The following GCC2 variants were observed in gnomAD, a reference collection of about 807,000 sequenced individuals.
GCC2 encodes the protein GRIP and coiled-coil domain containing 2, also known as GRIP and coiled-coil domain-containing protein 2.
Under a neutral mutation model 210.6 loss-of-function variants are expected in GCC2, and 120 were observed. The observed-to-expected ratio is 0.57, with a 90% confidence interval of 0.49 to 0.66. GCC2 has a LOEUF of 0.66. Ranked by LOEUF, GCC2 falls within the 30% of genes least tolerant of loss-of-function variation. The pLI, the probability that GCC2 is intolerant of heterozygous loss-of-function variation, is 0.00. For synonymous variants in GCC2, 703 were observed against 652.7 expected (o/e 1.08, Z -1.17); for missense variants, 1,868 against 1,871.9 (o/e 1.00, Z 0.04).
At chr2:108,492,465 A>AT (rs1682450773) in intron 18 of GCC2, 108 bp from the exon 19 acceptor site, 2 of 702,634 alleles carry the variant, frequency 2.8e-6, no homozygotes, top group African/African-American at 3.5e-5. Context: ...TGATTCATAC[A>AT]TTCAGTAGAG....
intron 19 of GCC2, chr2:108,493,568 A>G: frequency 1.0e-6 from 1 of 985,424 alleles, no homozygotes; most frequent in Non-Finnish European, 1.2e-6. Flanking sequence ...TCACATTTAC[A>G]ATTAGTTGGA....
chr2:108,490,062 C>G (rs746620185), intron 18 of GCC2, 48 bp downstream of exon 18: 3 of 1,315,794 alleles, frequency 2.3e-6, no homozygotes, highest in Non-Finnish European at 3.1e-6. Flanking sequence ...CAATGTATTT[C>G]TTTGTTGAAA....
chr2:108,449,918 G>A (rs953279450), intron 2 of GCC2: 9 of 538,508 alleles, frequency 1.7e-5, no homozygotes, highest in Non-Finnish European at 3.0e-5. Context: ...ACTGCTGGGA[G>A]ATCCTGCTAT....
In GCC2 at chr2:108,469,780, A is replaced by C. The variant is rs751556782; in HGVS notation, c.451A>C (p.Asn151His). ...VRSKYSEDKANLQKQLEEAMN... is the reference protein window; with the variant it reads ...VRSKYSEDKAHLQKQLEEAMN... ...TTCCAAATACAGTGAAGACAAAGCT[A>C]ACTTACAAAAGCAGCTGGAAGAAGC... Residue 151 changes from asparagine (N) to histidine (H), a missense_variant, in exon 6 of 23, where the codon AAC (asparagine) becomes CAC (histidine). By Grantham distance (68) the Asn-to-His change is moderately conservative. Around this residue, in one of 3 missense-constraint regions of GCC2, gnomAD observed 1,847 missense variants for 1,765.2 expected, o/e 1.05. Coordinates refer to ENST00000309863, the MANE Select transcript of GCC2 (RefSeq NM_181453.4). The C allele has an allele frequency of 6.2e-6, 10 of 1,613,768 alleles. No individual in the cohort carries two copies. The highest frequency in any genetic ancestry group is 6.8e-6 in the Non-Finnish European group (8 of 1,179,844).
At position 108,473,154 on chromosome 2, in the gene GCC2, A is replaced by G. The variant is rs116285940; in HGVS notation, c.2860+255A>G. 2.2e-3 allele frequency: 827 copies of G among 367,776 alleles called. 6 individuals carry two copies. The highest frequency in any genetic ancestry group is 0.016 in the African/African-American group (757 of 46,696). The allele number at this position is 367,776 out of a possible 1,614,324, so 22.8% of individuals were successfully genotyped here. On this transcript the variant is annotated intron_variant, in intron 7 of 22. Coordinates refer to ENST00000309863, the MANE Select transcript of GCC2 (RefSeq NM_181453.4). ...CTTCATGATTTATTTTGGATTTTTC[A>G]TTCATTTAGCAAATTTTATTTAAAT...
Position 108,500,464 on chromosome 2 carries a change from C to T in GCC2, c.4984+710C>T, listed in dbSNP as rs548147389. ...GGAGGCAGAGGTTGCAGTGAGCTGT[C>T]ACGCCACTGTACTCCAGCCTGACGG... On this transcript the variant is annotated intron_variant, in intron 22 of 22. Transcript: ENST00000309863. 3.3e-5 allele frequency among the ~76,000 whole-genome samples: 5 copies of T among 152,270 alleles called. No homozygotes were observed. The South Asian group carries it at 1.0e-3, about 32-fold the overall frequency.
Position 108,486,507 on chromosome 2 carries a change from C to T in GCC2, c.3793-4C>T, listed in dbSNP as rs755901966. 2 of 1,613,906 alleles carry T rather than the reference C, an allele frequency of 1.2e-6. No individual in the cohort carries two copies. The highest frequency in any genetic ancestry group is 4.5e-5 in the East Asian group (2 of 44,884). On this transcript the variant is annotated splice_polypyrimidine_tract_variant and splice_region_variant and intron_variant, in intron 15 of 22. Transcript: ENST00000309863. ...TAAAGCTAAATTTAAAGATTTACCC[C>T]CAGATACAGCTGGCTGAAATAACAT...
chr2:108,454,012 A>G (rs181037265), intron 4 of GCC2, among the ~76,000 whole-genome samples: 187 of 152,150 alleles, frequency 1.2e-3, no homozygotes, highest in African/African-American at 4.4e-3. Flanking sequence ...TTATTTTGAG[A>G]CAGAGTCTCG....
chr2:108,479,996 A>AAAC (rs1305757732), intron 9 of GCC2, among the ~76,000 whole-genome samples: 6 of 64,286 alleles, frequency 9.3e-5, no homozygotes, highest in African/African-American at 2.2e-4. Flanking sequence ...AAAAAAAAAA[A>AAAC]AAAAAAAAAA....
chr2:108,488,412 C>G (rs1682250365), intron 17 of GCC2, among the ~76,000 whole-genome samples: 2 of 152,216 alleles, frequency 1.3e-5, no homozygotes, highest in South Asian at 4.2e-4. Context: ...TTAATAAGAT[C>G]TTGTCGTGGT....
chr2:108,485,685 C>G lies in GCC2; in HGVS notation c.3663C>G (p.Ile1221Met). The change falls in exon 14 of 23, where the codon ATC becomes ATG. Residue 1221 changes from isoleucine (I) to methionine (M), a missense_variant. Physicochemically the swap from Ile to Met is conservative, Grantham distance 10. Around this residue, in one of 3 missense-constraint regions of GCC2, gnomAD observed 1,847 missense variants for 1,765.2 expected, o/e 1.05. Coordinates refer to ENST00000309863, the MANE Select transcript of GCC2 (RefSeq NM_181453.4). The part of the protein sequence containing the change: ...VQQYEEKNTK[I>M]KQLLVKTKKE... ...AATATGAAGAAAAAAACACCAAAATCAAGCAATTGCTTGTGAAAACCAAAA... is the reference window on the plus strand; with the variant it reads ...AATATGAAGAAAAAAACACCAAAATGAAGCAATTGCTTGTGAAAACCAAAA... 1 of 1,596,974 alleles carries G rather than the reference C, an allele frequency of 6.3e-7. No individual in the cohort carries two copies. Among genetic ancestry groups the G allele is most frequent in the South Asian group, 1.1e-5 (1 of 87,754 alleles).
chr2:108,449,963 T>C, intron 2 of GCC2: 1 of 423,928 alleles, frequency 2.4e-6, no homozygotes, highest in Non-Finnish European at 4.3e-6. Context: ...AAGGTTTATA[T>C]AGTGGTGTAG....
chr2:108,467,434 A>G (rs1347002637), intron 4 of GCC2, among the ~76,000 whole-genome samples: 3 of 152,184 alleles, frequency 2.0e-5, no homozygotes, highest in African/African-American at 7.2e-5. Context: ...AAACAGTCAT[A>G]CCATCTGAAA....
At chr2:108,452,676 T>C (rs1399759876) in intron 4 of GCC2, among the ~76,000 whole-genome samples, 2 of 144,362 alleles carry the variant, frequency 1.4e-5, no homozygotes, top group Admixed American at 7.4e-5. Context: ...TTCCCACGTA[T>C]TTTCTTTTTT....
chr2:108,488,805 T>C (rs1209528402), intron 17 of GCC2, among the ~76,000 whole-genome samples: 1 of 152,194 alleles, frequency 6.6e-6, no homozygotes, highest in African/African-American at 2.4e-5. Context: ...TATTCTGAAA[T>C]TTTTGTATGT....
chr2:108,495,470 C>G lies in GCC2; in HGVS notation c.4627C>G (p.Pro1543Ala), dbSNP rs749616693. Residue 1543 changes from proline to alanine, a missense_variant, in exon 20 of 23, where the codon CCC becomes GCC. By Grantham distance (27) the Pro-to-Ala change is conservative. This residue lies in a region of GCC2 where 1,847 missense variants were observed against 1,765.2 expected (regional missense o/e 1.05). Coordinates refer to ENST00000309863, the MANE Select transcript of GCC2 (RefSeq NM_181453.4). ...GTCTTTAGAGCAGCTGCTTAACTCT[C>G]CCGAAACTAAACTTGGTATGTTACT... ...TQSLEQLLNS[P>A]ETKLEPPLWH... The G allele has an allele frequency of 6.3e-6, 10 of 1,591,234 alleles. No individual in the cohort carries two copies. The South Asian group carries it at 1.0e-4, about 16-fold the overall frequency.
chr2:108,492,649 A>T lies in GCC2; in HGVS notation c.4306A>T (p.Asn1436Tyr). ...TQTVSQLTSQ[N>Y]EVLRNSFRDQ... ...GACTGTGAGTCAGCTAACATCCCAGAACGAGGTCCTTCGAAATAGCTTCCG... is the reference window on the plus strand; with the variant it reads ...GACTGTGAGTCAGCTAACATCCCAGTACGAGGTCCTTCGAAATAGCTTCCG... The change falls in exon 19 of 23, where the codon AAC (asparagine) becomes TAC (tyrosine). Residue 1436 changes from asparagine to tyrosine, a missense_variant. This residue lies in a region of GCC2 where 1,847 missense variants were observed against 1,765.2 expected (regional missense o/e 1.05). Transcript: ENST00000309863. 6.2e-7 allele frequency: 1 copy of T among 1,613,970 alleles called. No individual in the cohort carries two copies.
intron 22 of GCC2, among the ~76,000 whole-genome samples, chr2:108,501,713 A>G (rs906630775): frequency 2.6e-5 from 4 of 152,164 alleles, no homozygotes; most frequent in Admixed American, 6.5e-5. Flanking sequence ...TTCTGACCCA[A>G]GACTCTGCAT....
chr2:108,451,842 T>TC (rs1491461412), intron 3 of GCC2, among the ~76,000 whole-genome samples: 64 of 44,546 alleles, frequency 1.4e-3, no homozygotes, highest in Non-Finnish European at 4.9e-4. Flanking sequence ...TCTCTCTCTC[T>TC]TTTTTTTTTT....
Sources: gnomAD v4.1 joint callset for allele counts (sites outside exome capture counted in the v4.1 genomes callset) on GRCh38, gnomAD v4.1.1 for gene constraint, gnomAD v4.1.1 regional missense constraint, MANE v1.5 for transcripts, NCBI Gene and HGNC (gene_info 2026-07-23, HGNC 2026-07-21) for gene names.